Variants in ANO3 observed in about 807,000 individuals in gnomAD.
ANO3 encodes the protein anoctamin-3.
ANO3 carries 99 observed loss-of-function variants against 144.8 expected under a neutral mutation model. That is an observed-to-expected ratio of 0.68 (90% confidence interval 0.58 to 0.81). ANO3 has a LOEUF of 0.81. Among genes scored for constraint, ANO3 ranks in the 30% least tolerant of loss-of-function variants. The pLI, the probability that ANO3 is intolerant of heterozygous loss-of-function variation, is 0.00. For missense variants in ANO3, 905 were observed against 1,202.2 expected, an observed-to-expected ratio of 0.75 and a Z score of 3.66; for synonymous variants, 414 against 392.6, an observed-to-expected ratio of 1.05 and a Z score of -0.64.
chr11:26,507,842 CAT>C (rs1157589157), intron 4 of ANO3, among the ~76,000 whole-genome samples: 4 of 152,102 alleles, frequency 2.6e-5, no homozygotes, highest in African/African-American at 9.7e-5. Context: ...TTGAATAAAA[CAT>C]ATGCATTTTT....
At chr11:26,511,181 C>G (rs1861649714) in intron 5 of ANO3, among the ~76,000 whole-genome samples, 1 of 152,212 alleles carries the variant, frequency 6.6e-6, no homozygotes, top group African/African-American at 2.4e-5. Context: ...CACAAGTTAC[C>G]AGTCTTGACT....
intron 1 of ANO3, among the ~76,000 whole-genome samples, chr11:26,284,672 G>A (rs1853759170): frequency 6.6e-6 from 1 of 152,074 alleles, no homozygotes; most frequent in Non-Finnish European, 1.5e-5. Flanking sequence ...GGCCGAGGCT[G>A]GCGGATCAAG....
intron 12 of ANO3, among the ~76,000 whole-genome samples, chr11:26,550,211 C>CAATT: frequency 6.6e-6 from 1 of 150,380 alleles, no homozygotes; most frequent in Non-Finnish European, 1.5e-5. Context: ...TAAATTAACA[C>CAATT]AATTAATTAA....
At chr11:26,475,633 A>G (rs1010785628) in intron 4 of ANO3, among the ~76,000 whole-genome samples, 1 of 152,104 alleles carries the variant, frequency 6.6e-6, no homozygotes, top group Non-Finnish European at 1.5e-5. Flanking sequence ...AAGGAGCTTC[A>G]TATTTGAAAA....
At chr11:26,380,876 G>A (rs1457986581) in intron 1 of ANO3, among the ~76,000 whole-genome samples, 1 of 152,070 alleles carries the variant, frequency 6.6e-6, no homozygotes, top group Admixed American at 6.5e-5. Flanking sequence ...CAGCTACTCG[G>A]GAGGCTGAGA....
chr11:26,494,464 G>A (rs1860845132), intron 4 of ANO3, among the ~76,000 whole-genome samples: 1 of 152,106 alleles, frequency 6.6e-6, no homozygotes, highest in South Asian at 2.1e-4. Flanking sequence ...GAGATAGGAA[G>A]TAGAAGTGAG....
intron 6 of ANO3, among the ~76,000 whole-genome samples, chr11:26,522,140 C>T (rs1248412686): frequency 6.6e-6 from 1 of 151,888 alleles, no homozygotes; most frequent in Non-Finnish European, 1.5e-5. Context: ...GCCGAGATCG[C>T]GCCACTGCAC....
chr11:26,587,535 G>A (rs907178767), intron 14 of ANO3, among the ~76,000 whole-genome samples: 1 of 152,188 alleles, frequency 6.6e-6, no homozygotes, highest in Admixed American at 6.5e-5. Flanking sequence ...CTGGTTGCCT[G>A]TGTTCATAAC....
intron 17 of ANO3, among the ~76,000 whole-genome samples, chr11:26,604,415 G>T (rs1240807284): frequency 6.6e-6 from 1 of 152,110 alleles, no homozygotes; most frequent in African/African-American, 2.4e-5. Flanking sequence ...GGTTTCATAT[G>T]AAACTTAAAG....
intron 1 of ANO3, among the ~76,000 whole-genome samples, chr11:26,243,543 T>C (rs1161316424): frequency 6.6e-6 from 1 of 152,156 alleles, no homozygotes; most frequent in East Asian, 1.9e-4. Context: ...TCACTTTTAT[T>C]TGGTTGACTA....
At chr11:26,258,455 T>C (rs985286348) in intron 1 of ANO3, among the ~76,000 whole-genome samples, 3 of 152,150 alleles carry the variant, frequency 2.0e-5, no homozygotes, top group Admixed American at 1.3e-4. Context: ...AATAAAAAAG[T>C]TCACTTTCTG....
chr11:26,473,609 TAA>T (rs1229458887), intron 4 of ANO3, among the ~76,000 whole-genome samples: 1 of 35,484 alleles, frequency 2.8e-5, no homozygotes, highest in Non-Finnish European at 1.0e-4. Flanking sequence ...GTTCACCGTT[TAA>T]AAAGTTAGTA....
At chr11:26,419,297 G>A (rs1363568525) in intron 1 of ANO3, among the ~76,000 whole-genome samples, 1 of 152,126 alleles carries the variant, frequency 6.6e-6, no homozygotes, top group East Asian at 1.9e-4. Context: ...TCATCAGGTG[G>A]AGATTTGGGT....
In ANO3 at chr11:26,536,734, A is replaced by G. The variant is rs146430275; in HGVS notation, c.977-672A>G. Reference sequence around the variant, plus strand: ...ATTCATCAAATCACTATTATTTACTATGTACCTATTATAATTGATTGTGCT... The same window carrying G: ...ATTCATCAAATCACTATTATTTACTGTGTACCTATTATAATTGATTGTGCT... On this transcript the variant is annotated intron_variant, in intron 9 of 26. Coordinates refer to ENST00000256737, the MANE Select transcript of ANO3 (RefSeq NM_031418.4). Among the ~76,000 whole-genome samples, 10 of 152,248 alleles carry G rather than the reference A, an allele frequency of 6.6e-5. No homozygotes were observed. The South Asian group carries it at 1.9e-3, about 28-fold the overall frequency.
chr11:26,215,874 T>C (rs1852026763), intron 1 of ANO3, among the ~76,000 whole-genome samples: 1 of 152,024 alleles, frequency 6.6e-6, no homozygotes, highest in Non-Finnish European at 1.5e-5. Context: ...TACTATCCAA[T>C]TATTTCCTAA....
At chr11:26,574,500 T>C (rs767380022) in intron 14 of ANO3, among the ~76,000 whole-genome samples, 11 of 152,208 alleles carry the variant, frequency 7.2e-5, no homozygotes, top group Non-Finnish European at 1.0e-4. Context: ...TTCATGTTTG[T>C]TTCCCCATAG....
At chr11:26,345,868 C>T (rs190392544) in intron 1 of ANO3, among the ~76,000 whole-genome samples, 14 of 151,754 alleles carry the variant, frequency 9.2e-5, no homozygotes, top group East Asian at 5.8e-4. Flanking sequence ...TCTGTTTTGC[C>T]GAAGGAAACA....
intron 1 of ANO3, among the ~76,000 whole-genome samples, chr11:26,312,789 T>C (rs1472841634): frequency 6.6e-6 from 1 of 152,212 alleles, no homozygotes; most frequent in Non-Finnish European, 1.5e-5. Flanking sequence ...ATTCTGTAGT[T>C]TGCCTGTTCA....
rs147024609 is a variant in ANO3, at chr11:26,630,695, G to A, written c.1874-3509G>A. Among the ~76,000 whole-genome samples, 85 of 152,234 alleles carry A rather than the reference G, an allele frequency of 5.6e-4. No homozygotes were observed. The East Asian group carries it at 0.014, about 25-fold the overall frequency. ...TAGCCTTATGCCACTAGGCTTAGTC[G>A]AGATATAGTTTTCTTTTCTTTTATT... On this transcript the variant is annotated intron_variant, in intron 18 of 26. Coordinates refer to ENST00000256737, the MANE Select transcript of ANO3 (RefSeq NM_031418.4).
Sources: allele counts gnomAD v4.1 joint callset (sites outside exome capture counted in the v4.1 genomes callset), GRCh38; gene constraint gnomAD v4.1.1; transcripts MANE v1.5; gene names NCBI Gene and HGNC (gene_info 2026-07-23, HGNC 2026-07-21).